Variants in CLASP1 observed in about 807,000 individuals in gnomAD.
The protein encoded by CLASP1 is cytoplasmic linker associated protein 1.
In CLASP1, 38 loss-of-function variants were observed where a neutral mutation model predicts 192.3. The ratio of observed to expected loss-of-function variants is 0.20; its 90% CI spans 0.15 to 0.26. The LOEUF (loss-of-function observed/expected upper bound fraction) is 0.26. Ranked by LOEUF, CLASP1 falls within the 10% of genes least tolerant of loss-of-function variation. The probability of loss-of-function intolerance (pLI) is 1.00; values close to 1 mark genes in which losing one functional copy is unlikely to be tolerated. For missense variants in CLASP1, 1,433 were observed against 1,932.5 expected (o/e 0.74, Z 4.85); for synonymous variants, 691 against 712.8 (o/e 0.97, Z 0.49).
chr2:121,435,135 A>C (rs1328407278), intron 19 of CLASP1, among the ~76,000 whole-genome samples: 1 of 152,206 alleles, frequency 6.6e-6, no homozygotes, highest in Non-Finnish European at 1.5e-5. Flanking sequence ...TGCCTGGGAA[A>C]CATAGCAAGA....
intron 2 of CLASP1, among the ~76,000 whole-genome samples, chr2:121,534,965 G>A (rs549052396): frequency 1.3e-5 from 2 of 152,278 alleles, no homozygotes; most frequent in East Asian, 1.9e-4. Flanking sequence ...AATTGCAAAC[G>A]GACTTTAAAA....
At chr2:121,580,107 T>C (rs1011720953) in intron 2 of CLASP1, among the ~76,000 whole-genome samples, 1 of 152,230 alleles carries the variant, frequency 6.6e-6, no homozygotes, top group African/African-American at 2.4e-5. Context: ...AACTGTAATA[T>C]TGCTTGGGTA....
chr2:121,362,132 A>G (rs565987216), intron 37 of CLASP1, among the ~76,000 whole-genome samples: 1 of 152,392 alleles, frequency 6.6e-6, no homozygotes, highest in South Asian at 2.1e-4. Flanking sequence ...CGACAGTCAC[A>G]CATGAGCCAA....
Position 121,425,271 on chromosome 2 carries a change from C to A in CLASP1, c.2080G>T (p.Gly694Ter). ...CCAGTAAGTCCACCATAACCACTTCCCAACAATTTTCCTGGGGAACTTGAC... is the reference window on the plus strand; with the variant it reads ...CCAGTAAGTCCACCATAACCACTTCACAACAATTTTCCTGGGGAACTTGAC... Residue 694 changes from glycine to a stop codon, truncating the protein, a stop_gained, in exon 22 of 40, where the codon GGA becomes TGA. Coordinates refer to ENST00000263710, the Ensembl canonical transcript of CLASP1. LOFTEE classifies it high-confidence loss of function. 1 of 1,612,462 alleles carries A rather than the reference C, an allele frequency of 6.2e-7. No individual in the cohort carries two copies. Among genetic ancestry groups the A allele is most frequent in the Non-Finnish European group, 8.5e-7 (1 of 1,179,564 alleles).
chr2:121,369,131 G>T (rs1230694399), intron 34 of CLASP1, among the ~76,000 whole-genome samples: 1 of 152,166 alleles, frequency 6.6e-6, no homozygotes, highest in Non-Finnish European at 1.5e-5. Flanking sequence ...ATGGGCACTT[G>T]GATTGCTTTT....
intron 35 of CLASP1, among the ~76,000 whole-genome samples, 189 bp downstream of exon 36, chr2:121,367,399 T>C (rs1018871881): frequency 2.0e-5 from 3 of 152,230 alleles, no homozygotes; most frequent in African/African-American, 7.2e-5. Flanking sequence ...TTCTGTTCAC[T>C]GCCATGTTCC....
chr2:121,478,793 CCACACACCACACA>C (rs2092115753), intron 8 of CLASP1, among the ~76,000 whole-genome samples: 1 of 43,888 alleles, frequency 2.3e-5, no homozygotes, highest in South Asian at 7.7e-4. Context: ...CCCACACACA[CCACACACCACACA>C]CACACCCCAC....
chr2:121,599,682 G>C (rs1288385052), intron 2 of CLASP1, among the ~76,000 whole-genome samples: 3 of 150,690 alleles, frequency 2.0e-5, no homozygotes, highest in African/African-American at 7.3e-5. Context: ...TTGAGAGGCC[G>C]AGGCAGTCGG....
At chr2:121,644,888 G>A (rs2072870142) in intron 1 of CLASP1, among the ~76,000 whole-genome samples, 1 of 149,636 alleles carries the variant, frequency 6.7e-6, no homozygotes, top group African/African-American at 2.5e-5. Context: ...AGTCCAGAAG[G>A]TCAAGGTTGC....
chr2:121,424,600 TA>T, intron 22 of CLASP1, among the ~76,000 whole-genome samples: 1 of 152,302 alleles, frequency 6.6e-6, no homozygotes, highest in South Asian at 2.1e-4. Flanking sequence ...ACAAAGAAAC[TA>T]AGTAACACAA....
intron 8 of CLASP1, among the ~76,000 whole-genome samples, chr2:121,472,037 T>C (rs1222795123): frequency 6.6e-6 from 1 of 152,178 alleles, no homozygotes; most frequent in Non-Finnish European, 1.5e-5. Context: ...ACATACGAAC[T>C]GCTGTCATTA....
intron 2 of CLASP1, among the ~76,000 whole-genome samples, chr2:121,601,281 T>C (rs1295897786): frequency 6.6e-6 from 1 of 151,720 alleles, no homozygotes; most frequent in Non-Finnish European, 1.5e-5. Flanking sequence ...CATTTTTTTT[T>C]TTTTTTTTTG....
At chr2:121,644,545 C>T (rs1373611069) in intron 1 of CLASP1, among the ~76,000 whole-genome samples, 1 of 152,270 alleles carries the variant, frequency 6.6e-6, no homozygotes, top group East Asian at 1.9e-4. Flanking sequence ...TCCCAAGCTA[C>T]TCAGGAGGCT....
At chr2:121,449,077 G>T in exon 17 of CLASP1, 1 of 1,613,928 alleles carries the variant, frequency 6.2e-7, no homozygotes, top group Non-Finnish European at 8.5e-7. Flanking sequence ...TGGTACAAGT[G>T]CTCTGCTTCT....
chr2:121,394,822 G>A (rs1574271520), intron 30 of CLASP1, among the ~76,000 whole-genome samples: 1 of 152,230 alleles, frequency 6.6e-6, no homozygotes, highest in Admixed American at 6.5e-5. Flanking sequence ...GGAGGTTGCA[G>A]TGAGCCGAGA....
chr2:121,580,958 C>T (rs1439534024), intron 2 of CLASP1, among the ~76,000 whole-genome samples: 1 of 152,128 alleles, frequency 6.6e-6, no homozygotes, highest in African/African-American at 2.4e-5. Flanking sequence ...TTAAAAACCA[C>T]TTAGAAATTA....
At chr2:121,384,169 TACACAC>T (rs35612382) in intron 32 of CLASP1, among the ~76,000 whole-genome samples, 9 of 142,464 alleles carry the variant, frequency 6.3e-5, no homozygotes, top group South Asian at 2.2e-4. Context: ...TATATATATA[TACACAC>T]ACACACACAC....
At chr2:121,447,193 A>C in intron 19 of CLASP1, 144 bp downstream of exon 19, 2 of 738,508 alleles carry the variant, frequency 2.7e-6, no homozygotes, top group Non-Finnish European at 4.4e-6. Flanking sequence ...GATCAGCAGC[A>C]AGTGCACGAA....
At chr2:121,442,858 C>T (rs930425193) in intron 19 of CLASP1, among the ~76,000 whole-genome samples, 16 of 151,816 alleles carry the variant, frequency 1.1e-4, no homozygotes, top group Admixed American at 3.9e-4. Flanking sequence ...ATTTAAGAGA[C>T]TTATTAATAA....
Sources: gnomAD v4.1 joint callset for allele counts (sites outside exome capture counted in the v4.1 genomes callset) on GRCh38, gnomAD v4.1.1 for gene constraint, MANE v1.5 for transcripts, NCBI Gene and HGNC (gene_info 2026-07-23, HGNC 2026-07-21) for gene names.